The following TRAPPC9 variants were observed in gnomAD, a reference collection of about 807,000 sequenced individuals.
The protein encoded by TRAPPC9 is IKK2 binding protein.
In TRAPPC9, 83 loss-of-function variants were observed where a neutral mutation model predicts 124.0. The observed-to-expected ratio is 0.67, with a 90% CI of 0.56 to 0.80. The LOEUF (loss-of-function observed/expected upper bound fraction) is 0.80, where lower values mean the gene tolerates loss of function less well. Ranked by LOEUF, TRAPPC9 falls within the 30% of genes least tolerant of loss-of-function variation. The pLI, the probability that TRAPPC9 is intolerant of heterozygous loss-of-function variation, is 0.00. For synonymous variants in TRAPPC9, 638 were observed against 617.5 expected, an observed-to-expected ratio of 1.03 and a Z score of -0.49; for missense variants, 1,302 against 1,508.3, an observed-to-expected ratio of 0.86 and a Z score of 2.27.
intron 17 of TRAPPC9, among the ~76,000 whole-genome samples, chr8:140,050,184 G>A (rs1841898353): frequency 6.6e-6 from 1 of 152,226 alleles, no homozygotes; most frequent in Admixed American, 6.5e-5. Context: ...TTCACACTGG[G>A]CAGCTCAGGC....
chr8:140,221,694 G>A, intron 16 of TRAPPC9, 111 bp from the exon 17 acceptor site: 1 of 1,413,554 alleles, frequency 7.1e-7, no homozygotes, highest in Non-Finnish European at 9.6e-7. Context: ...CTGGAGTGCA[G>A]TGGTGCAATC....
chr8:140,287,751 A>G lies in TRAPPC9; in HGVS notation c.1855-17T>C. 3 of 1,614,064 alleles carry G rather than the reference A, an allele frequency of 1.9e-6. No individual in the cohort carries two copies. The highest frequency in any genetic ancestry group is 2.5e-6 in the Non-Finnish European group (3 of 1,180,028). On this transcript the variant is annotated splice_polypyrimidine_tract_variant and intron_variant, in intron 12 of 22. Transcript: ENST00000438773. ...GAGCAGCCCCTAAACCAAGCGACGC[A>G]GCATCGTAAGCCCGGAGCAAACCTA...
intron 16 of TRAPPC9, among the ~76,000 whole-genome samples, chr8:140,236,825 A>T (rs2063742200): frequency 1.3e-5 from 2 of 152,218 alleles, no homozygotes; most frequent in Admixed American, 1.3e-4. Context: ...TAATCTATAG[A>T]TTTGATGCAG....
chr8:139,947,894 G>GTGTATATATATATATATA (rs1554678277), intron 19 of TRAPPC9, among the ~76,000 whole-genome samples: 4 of 65,842 alleles, frequency 6.1e-5, no homozygotes, highest in African/African-American at 2.3e-4. Flanking sequence ...AAATATGTGT[G>GTGTATATATATATATATA]TATATATATA....
At chr8:139,822,624 CG>C (rs59188986) in intron 21 of TRAPPC9, among the ~76,000 whole-genome samples, 14 of 151,216 alleles carry the variant, frequency 9.3e-5, no homozygotes, top group South Asian at 2.1e-4. Context: ...CGTAGGATGG[CG>C]GGGGGGGGCT....
chr8:140,206,760 TA>T, intron 17 of TRAPPC9, among the ~76,000 whole-genome samples: 1 of 151,364 alleles, frequency 6.6e-6, no homozygotes, highest in African/African-American at 2.4e-5. Flanking sequence ...TACATACATA[TA>T]TATATATATA....
At chr8:139,997,994 G>C (rs1563677187) in intron 18 of TRAPPC9, among the ~76,000 whole-genome samples, 1 of 148,286 alleles carries the variant, frequency 6.7e-6, no homozygotes, top group Non-Finnish European at 1.5e-5. Context: ...ATCCCACACA[G>C]GGGAGACAAT....
intron 19 of TRAPPC9, among the ~76,000 whole-genome samples, chr8:139,982,407 A>G (rs1836969852): frequency 6.6e-6 from 1 of 152,132 alleles, no homozygotes; most frequent in Non-Finnish European, 1.5e-5. Context: ...GGGAAAAATG[A>G]GTGCAAAGCC....
At chr8:140,136,507 T>A (rs2130742476) in intron 17 of TRAPPC9, among the ~76,000 whole-genome samples, 2 of 152,046 alleles carry the variant, frequency 1.3e-5, no homozygotes, top group South Asian at 4.2e-4. Flanking sequence ...CAGAAATGAG[T>A]CACAAACTCT....
chr8:139,991,649 G>A (rs1204748516), intron 18 of TRAPPC9, among the ~76,000 whole-genome samples: 1 of 151,724 alleles, frequency 6.6e-6, no homozygotes, highest in African/African-American at 2.4e-5. Flanking sequence ...AAGCTTCCTG[G>A]AAGAGCTGAG....
chr8:140,221,134 C>T (rs1055306660), intron 17 of TRAPPC9, among the ~76,000 whole-genome samples: 14 of 152,166 alleles, frequency 9.2e-5, no homozygotes, highest in Admixed American at 2.0e-4. Flanking sequence ...GGGTAAACAT[C>T]CGAACTGAGG....
chr8:140,354,455 C>A (rs1046428854), intron 9 of TRAPPC9, among the ~76,000 whole-genome samples: 4 of 152,206 alleles, frequency 2.6e-5, no homozygotes, highest in Non-Finnish European at 4.4e-5. Flanking sequence ...TTGGAGAACT[C>A]AGAGCCTTTC....
At chr8:140,289,173 TAGTGTGTGTGTGTGTG>T (rs1563919855) in intron 12 of TRAPPC9, among the ~76,000 whole-genome samples, 2 of 110,466 alleles carry the variant, frequency 1.8e-5, no homozygotes, top group African/African-American at 7.5e-5. Context: ...GATATATATA[TAGTGTGTGTGTGTGTG>T]TGTGTGTGTG....
chr8:139,779,738 G>C (rs984987790), intron 21 of TRAPPC9, among the ~76,000 whole-genome samples: 1 of 152,072 alleles, frequency 6.6e-6, no homozygotes, highest in Admixed American at 6.5e-5. Context: ...AACTATCTTT[G>C]TTCATAGATG....
At chr8:139,752,828 T>C (rs1035693718) in intron 21 of TRAPPC9, among the ~76,000 whole-genome samples, 3 of 147,706 alleles carry the variant, frequency 2.0e-5, no homozygotes, top group Non-Finnish European at 4.5e-5. Flanking sequence ...CCATCCACCA[T>C]CTACCCATCT....
intron 17 of TRAPPC9, among the ~76,000 whole-genome samples, chr8:140,154,853 G>A: frequency 6.6e-6 from 1 of 152,218 alleles, no homozygotes; most frequent in East Asian, 1.9e-4. Context: ...CACAGAGAAG[G>A]CACTCAATAA....
chr8:139,793,085 G>T (rs1463521266), intron 21 of TRAPPC9, among the ~76,000 whole-genome samples: 1 of 152,158 alleles, frequency 6.6e-6, no homozygotes, highest in African/African-American at 2.4e-5. Flanking sequence ...CTGCCAGGGA[G>T]GAATGCTGTG....
intron 21 of TRAPPC9, among the ~76,000 whole-genome samples, chr8:139,861,392 A>T (rs1448813703): frequency 6.6e-6 from 1 of 152,152 alleles, no homozygotes; most frequent in Non-Finnish European, 1.5e-5. Context: ...TGGGAAGGAC[A>T]CTTAGGAACA....
At chr8:140,130,855 A>T (rs1246950986) in intron 17 of TRAPPC9, among the ~76,000 whole-genome samples, 1 of 152,190 alleles carries the variant, frequency 6.6e-6, no homozygotes, top group Non-Finnish European at 1.5e-5. Context: ...CAAAATTTTT[A>T]AAAATCACAC....
Sources: allele counts gnomAD v4.1 joint callset (sites outside exome capture counted in the v4.1 genomes callset), GRCh38; gene constraint gnomAD v4.1.1; transcripts MANE v1.5; gene names NCBI Gene and HGNC (gene_info 2026-07-23, HGNC 2026-07-21).